TJP2: variants seen among roughly 807,000 people sequenced by gnomAD.
The protein encoded by TJP2 is Friedreich ataxia region gene X104 (tight junction protein ZO-2).
Under a neutral mutation model 133.1 loss-of-function variants are expected in TJP2, and 91 were observed. The ratio of observed to expected loss-of-function variants is 0.68; its 90% CI spans 0.58 to 0.81. TJP2 has a LOEUF of 0.81. Ranked by LOEUF, TJP2 falls within the 40% of genes least tolerant of loss-of-function variation. The probability of loss-of-function intolerance (pLI) is 0.00; values close to 1 mark genes in which losing one functional copy is unlikely to be tolerated. For synonymous variants in TJP2, 592 were observed against 583.4 expected, an observed-to-expected ratio of 1.01 and a Z score of -0.21; for missense variants, 1,541 against 1,565.6, an observed-to-expected ratio of 0.98 and a Z score of 0.26.
rs80321131 is a variant in TJP2, at chr9:69,158,042, C to T, written c.-10+6271C>T. Among the ~76,000 whole-genome samples the T allele has an allele frequency of 1.1e-3, 161 of 151,080 alleles. No individual in the cohort carries two copies. In the East Asian group the frequency reaches 0.012, roughly 11 times the overall value. On this transcript the variant is annotated intron_variant, in intron 2 of 5. Coordinates refer to the TJP2 transcript ENST00000423935. ...GGCAGGCACAGTGGCTGGCCGGGTG[C>T]GGTGATTCACTCCTGTAATCCCAGC... is the stretch of plus-strand genomic sequence containing the variant.
chr9:69,238,026 T>C, intron 15 of TJP2, 53 bp downstream of exon 15: 2 of 1,325,694 alleles, frequency 1.5e-6, no homozygotes, highest in South Asian at 1.2e-5. Context: ...GAAAAATTTC[T>C]AACAGAGGAG....
intron 1 of TJP2, among the ~76,000 whole-genome samples, chr9:69,149,502 C>T (rs574628961): frequency 9.2e-5 from 14 of 152,284 alleles, no homozygotes; most frequent in Admixed American, 3.9e-4. Context: ...ATGTGCCTCC[C>T]GCCTGTACAA....
rs147675640 is a variant in TJP2 at position 69,254,329 on chromosome 9, C to G, written c.3528C>G (p.Arg1176=). Residue 1176 remains arginine, a synonymous_variant, in exon 23 of 23, where the codon CGC becomes CGG. Coordinates refer to ENST00000377245, the MANE Select transcript of TJP2 (RefSeq NM_004817.4). ...AGCAGCTGTCAGAACACTCCAAGCG[C>G]GGTTACTATGGCCAGTCTGCCCGAT... is the stretch of plus-strand genomic sequence containing the variant. ...YRQQLSEHSK[R]GYYGQSARYR... is the part of the protein sequence containing the mutation. 1 of 1,614,202 alleles carries G rather than the reference C, an allele frequency of 6.2e-7. No individual in the cohort carries two copies. Among genetic ancestry groups the G allele is most frequent in the Admixed American group, 1.7e-5 (1 of 60,030 alleles).
chr9:69,170,989 A>G (rs1363311566), upstream of TJP2, among the ~76,000 whole-genome samples: 1 of 152,238 alleles, frequency 6.6e-6, no homozygotes, highest in African/African-American at 2.4e-5. Flanking sequence ...TGCCTAGCAC[A>G]TAGGAGACAC....
At position 69,223,069 on chromosome 9, in the gene TJP2, G is replaced by GAAAAAAA. The variant is rs57114714; in HGVS notation, c.952+1589_952+1595dup. Among the ~76,000 whole-genome samples the GAAAAAAA allele has an allele frequency of 1.9e-3, 219 of 114,058 alleles. 4 individuals carry two copies. The highest frequency in any genetic ancestry group is 6.2e-3 in the African/African-American group (203 of 32,630). 74.8% of individuals were successfully genotyped at this position (114,058 alleles called of 152,430 possible). A position where few individuals can be genotyped will look rare whatever the true frequency, so the allele number is the denominator to read the frequency against. ...GGGTGACAGAGCGAGACTCTGTCTT[G>GAAAAAAA]AAAAAAAAAAAAAAAAAAAAAAGAA... On this transcript the variant is annotated intron_variant, in intron 5 of 22. Transcript: ENST00000377245.
rs553731228 is a variant in TJP2 at position 69,224,492 on chromosome 9, A to G, written c.953-812A>G. Among the ~76,000 whole-genome samples the G allele has an allele frequency of 1.1e-4, 16 of 152,278 alleles. No individual in the cohort carries two copies. In the South Asian group the frequency reaches 3.3e-3, roughly 32 times the overall value. ...CAGGAGTTCGAGACTAGCCTGGCCT[A>G]CATGGTGAAACCCTGTCTCTACTAA... On this transcript the variant is annotated intron_variant, in intron 5 of 22. Coordinates refer to ENST00000377245, the MANE Select transcript of TJP2 (RefSeq NM_004817.4).
chr9:69,176,478 C>T (rs1428736534), intron 1 of TJP2, among the ~76,000 whole-genome samples: 2 of 152,104 alleles, frequency 1.3e-5, no homozygotes, highest in Non-Finnish European at 2.9e-5. Flanking sequence ...TGTTAAAAGG[C>T]CTTGAAGGCC....
At chr9:69,201,026 G>A (rs1826950580) in intron 1 of TJP2, among the ~76,000 whole-genome samples, 1 of 152,220 alleles carries the variant, frequency 6.6e-6, no homozygotes, top group South Asian at 2.1e-4. Context: ...GGGAGTATAT[G>A]TCGAATGAAT....
intron 15 of TJP2, 62 bp downstream of exon 15, chr9:69,238,035 A>G (rs1830319802): frequency 8.2e-7 from 1 of 1,221,474 alleles, no homozygotes; most frequent in African/African-American, 1.5e-5. Flanking sequence ...CTAACAGAGG[A>G]GTTGGAAGAA....
At chr9:69,249,223 G>A (rs1257825722) in intron 19 of TJP2, 152 bp from the exon 20 acceptor site, 3 of 1,466,788 alleles carry the variant, frequency 2.0e-6, no homozygotes, top group African/African-American at 1.4e-5. Flanking sequence ...GAAGCATTTG[G>A]TGATGGTTTC....
In TJP2 at chr9:69,252,744, G is replaced by T. The variant is rs914133219; in HGVS notation, c.3322-71G>T. On this transcript the variant is annotated intron_variant, in intron 21 of 22. Transcript: ENST00000377245. ...ATATGGGGAAAGGGTGGGACCAGCA[G>T]GAAACCAGCAAGCAGAGTGCCCAGT... 3 of 1,448,744 alleles carry T rather than the reference G, an allele frequency of 2.1e-6. No homozygotes were observed. In the Admixed American group the frequency reaches 5.2e-5, roughly 25 times the overall value. The allele number at this position is 1,448,744 out of a possible 1,614,324, so 89.7% of individuals were successfully genotyped here.
At chr9:69,189,469 T>A (rs964992996) in intron 1 of TJP2, among the ~76,000 whole-genome samples, 5 of 152,174 alleles carry the variant, frequency 3.3e-5, no homozygotes, top group African/African-American at 1.2e-4. Flanking sequence ...ACTGAGATTC[T>A]TGCTGAGTGT....
At chr9:69,250,161 G>C (rs886486604) in intron 20 of TJP2, among the ~76,000 whole-genome samples, 1 of 152,150 alleles carries the variant, frequency 6.6e-6, no homozygotes, top group Non-Finnish European at 1.5e-5. Context: ...GGAGTGCAGT[G>C]GTGCAATCTC....
At position 69,126,951 on chromosome 9, in the gene TJP2, G is replaced by T. The variant is rs1325766385; in HGVS notation, c.-131+5226G>T. Among the ~76,000 whole-genome samples, 11 of 76,688 alleles carry T rather than the reference G, an allele frequency of 1.4e-4. 5 individuals are homozygous for T. Among genetic ancestry groups the T allele is most frequent in the Non-Finnish European group, 3.3e-4 (11 of 33,308 alleles). 50.3% of individuals were successfully genotyped at this position (76,688 alleles called of 152,430 possible). A position where few individuals can be genotyped will look rare whatever the true frequency, so the allele number is the denominator to read the frequency against. ...CTGTCAATATTAAGATATTTTCAAG[G>T]CTAGATGTGGTAGCTCATGCCTGTA... On this transcript the variant is annotated intron_variant, in intron 1 of 5. Coordinates refer to the TJP2 transcript ENST00000423935.
At chr9:69,171,201 C>T (rs1015520847), upstream of TJP2, among the ~76,000 whole-genome samples, 6 of 152,156 alleles carry the variant, frequency 3.9e-5, no homozygotes, top group Non-Finnish European at 7.4e-5. Context: ...GCTCACTTCC[C>T]GCTCGCGTCT....
intron 17 of TJP2, among the ~76,000 whole-genome samples, chr9:69,244,638 G>A (rs184661695): frequency 3.2e-4 from 48 of 152,310 alleles, no homozygotes; most frequent in African/African-American, 7.2e-4. Flanking sequence ...TCTGAGAAGC[G>A]GAATGAGAGA....
intron 20 of TJP2, 89 bp downstream of exon 20, chr9:69,249,574 G>A (rs1482206574): frequency 1.3e-6 from 2 of 1,548,032 alleles, no homozygotes; most frequent in Non-Finnish European, 1.7e-6. Flanking sequence ...CATGCACACT[G>A]AGATGGTGTT....
At chr9:69,241,208 G>A (rs751508448) in intron 17 of TJP2, among the ~76,000 whole-genome samples, 1 of 152,170 alleles carries the variant, frequency 6.6e-6, no homozygotes, top group Admixed American at 6.5e-5. Context: ...AATGGTCTAA[G>A]AACATGACAT....
At chr9:69,216,994 T>C (rs1337183162) in intron 3 of TJP2, among the ~76,000 whole-genome samples, 1 of 150,764 alleles carries the variant, frequency 6.6e-6, no homozygotes, top group East Asian at 2.0e-4. Context: ...CTTTTCTTTT[T>C]TTTTTTTTTT....
Sources: allele counts gnomAD v4.1 joint callset (sites outside exome capture counted in the v4.1 genomes callset), GRCh38; gene constraint gnomAD v4.1.1; transcripts MANE v1.5; gene names NCBI Gene and HGNC (gene_info 2026-07-23, HGNC 2026-07-21).